APCDD1: variants seen among roughly 807,000 people sequenced by gnomAD.
APCDD1 encodes the protein APC down-regulated 1.
A neutral mutation model predicts 38.1 loss-of-function variants in APCDD1; 15 were observed. The ratio of observed to expected loss-of-function variants is 0.39; its 90% CI spans 0.26 to 0.61. The LOEUF (loss-of-function observed/expected upper bound fraction) is 0.61. Among genes scored for constraint, APCDD1 ranks in the 20% least tolerant of loss-of-function variants. The probability of loss-of-function intolerance (pLI) is 0.49; values close to 1 mark genes in which losing one functional copy is unlikely to be tolerated. For synonymous variants in APCDD1, 261 were observed against 279.7 expected, an observed-to-expected ratio of 0.93 and a Z score of 0.67; for missense variants, 647 against 696.2, an observed-to-expected ratio of 0.93 and a Z score of 0.79.
Position 10,454,718 on chromosome 18 carries a change from C to G in APCDD1, c.-264C>G, listed in dbSNP as rs1766717531. ...CGGCGGCCGGGGCGGGACGCGGGGC[C>G]GGGCGCGGAGAAGTCGGGGCGGGCG... On this transcript the variant is annotated 5_prime_UTR_variant, in exon 1 of 5. Transcript: ENST00000355285. 3.1e-6 allele frequency: 3 copies of G among 982,170 alleles called. No individual in the cohort carries two copies. Among genetic ancestry groups the G allele is most frequent in the South Asian group, 4.7e-5 (1 of 21,446 alleles). The allele number at this position is 982,170 out of a possible 1,614,324, so 60.8% of individuals were successfully genotyped here.
At chr18:10,481,663 A>T in intron 3 of APCDD1, among the ~76,000 whole-genome samples, 1 of 144,328 alleles carries the variant, frequency 6.9e-6, no homozygotes, top group East Asian at 2.1e-4. Flanking sequence ...TATGTTAGGT[A>T]TTTTTTTAAA....
chr18:10,488,165 C>T lies in APCDD1; in HGVS notation c.*127C>T. 1 of 1,167,176 alleles carries T rather than the reference C, an allele frequency of 8.6e-7. No homozygotes were observed. Among genetic ancestry groups the T allele is most frequent in the East Asian group, 2.5e-5 (1 of 39,308 alleles). The allele number at this position is 1,167,176 out of a possible 1,614,324, so 72.3% of individuals were successfully genotyped here. On this transcript the variant is annotated 3_prime_UTR_variant, in exon 5 of 5. Coordinates refer to ENST00000355285, the MANE Select transcript of APCDD1 (RefSeq NM_153000.5). ...CCAGAGAACTGTCCTTCTTTTTCTC[C>T]TCTCCCTCCCTCCCAGCCCCTGAGT... is the stretch of plus-strand genomic sequence containing the variant.
rs73942616 is a variant in APCDD1 at position 10,463,605 on chromosome 18, C to G, written c.59-4864C>G. 7.7e-3 allele frequency among the ~76,000 whole-genome samples: 1,179 copies of G among 152,286 alleles called. 16 individuals are homozygous for G. Among genetic ancestry groups the G allele is most frequent in the African/African-American group, 0.027 (1,111 of 41,552 alleles). ...TTCAAATGACTTTTTAATTCCCAGCCATTTAACAGAAGTAGTACTCACAGG... is the reference window on the plus strand; with the variant it reads ...TTCAAATGACTTTTTAATTCCCAGCGATTTAACAGAAGTAGTACTCACAGG... On this transcript the variant is annotated intron_variant, in intron 1 of 4. Transcript: ENST00000355285.
chr18:10,485,365 A>G lies in APCDD1; in HGVS notation c.775-97A>G. Reference sequence around the variant, plus strand: ...GGTGTCGAGGTTGTCAGTGATGGTGATCTGGTGCCTGGTGAGACCCCATTT... The same window carrying G: ...GGTGTCGAGGTTGTCAGTGATGGTGGTCTGGTGCCTGGTGAGACCCCATTT... On this transcript the variant is annotated intron_variant, in intron 3 of 4. Coordinates refer to ENST00000355285, the MANE Select transcript of APCDD1 (RefSeq NM_153000.5). This position sits in a 1 kb window ranked among gnomAD's most constrained non-coding sequence, Gnocchi z 5.8. The G allele has an allele frequency of 7.4e-7, 1 of 1,344,288 alleles. No homozygotes were observed. The highest frequency in any genetic ancestry group is 2.3e-5 in the East Asian group (1 of 43,654). The allele number at this position is 1,344,288 out of a possible 1,614,324, so 83.3% of individuals were successfully genotyped here.
intron 3 of APCDD1, among the ~76,000 whole-genome samples, chr18:10,484,954 GT>G (rs1185449034): frequency 3.3e-5 from 5 of 152,148 alleles, no homozygotes; most frequent in Non-Finnish European, 5.9e-5. Flanking sequence ...AGATTGCTGG[GT>G]CATATGGTAA....
chr18:10,485,566 G>C lies in APCDD1; in HGVS notation c.879G>C (p.Gly293=). ...CAGACCTGACCATCGGCCTGCACGG[G>C]GAGTGGGTGAGCCAGCGCTGTGAGG... ...PKADLTIGLH[G]EWVSQRCEVR... Residue 293 remains glycine (G), a synonymous_variant, in exon 4 of 5, where the codon GGG becomes GGC. Coordinates refer to ENST00000355285, the MANE Select transcript of APCDD1 (RefSeq NM_153000.5). This position sits in a 1 kb window ranked among gnomAD's most constrained non-coding sequence, Gnocchi z 5.8. 1 of 1,614,136 alleles carries C rather than the reference G, an allele frequency of 6.2e-7. No homozygotes were observed. The highest frequency in any genetic ancestry group is 1.7e-5 in the Admixed American group (1 of 60,028).
In APCDD1 at chr18:10,467,446, T is replaced by C. The variant is rs773146514; in HGVS notation, c.59-1023T>C. Among the ~76,000 whole-genome samples, 3 of 152,242 alleles carry C rather than the reference T, an allele frequency of 2.0e-5. No individual in the cohort carries two copies. The highest frequency in any genetic ancestry group is 4.4e-5 in the Non-Finnish European group (3 of 68,046). Reference sequence around the variant, plus strand: ...GTAGTAGGTCCGCCATAAATGCCTGTTGATTTGTTAATCACTTCAGGAGTG... The same window carrying C: ...GTAGTAGGTCCGCCATAAATGCCTGCTGATTTGTTAATCACTTCAGGAGTG... On this transcript the variant is annotated intron_variant, in intron 1 of 4. Coordinates refer to ENST00000355285, the MANE Select transcript of APCDD1 (RefSeq NM_153000.5). The surrounding 1 kb of genome is among the most constrained non-coding windows in gnomAD (Gnocchi z 4.8).
rs552810782 is a variant in APCDD1, at chr18:10,485,333, G to A, written c.775-129G>A. On this transcript the variant is annotated intron_variant, in intron 3 of 4. Transcript: ENST00000355285. The surrounding 1 kb of genome is among the most constrained non-coding windows in gnomAD (Gnocchi z 5.8). ...CTGTGCCCGGAGCATGATTCCAGTT[G>A]GTTCTTGGTGTCGAGGTTGTCAGTG... 186 of 963,160 alleles carry A rather than the reference G, an allele frequency of 1.9e-4. 1 individual carries two copies. The African/African-American group carries it at 2.6e-3, about 14-fold the overall frequency. The allele number at this position is 963,160 out of a possible 1,614,324, so 59.7% of individuals were successfully genotyped here.
intron 3 of APCDD1, among the ~76,000 whole-genome samples, chr18:10,481,097 C>A (rs1277744929): frequency 6.6e-6 from 1 of 152,136 alleles, no homozygotes; most frequent in East Asian, 1.9e-4. Flanking sequence ...TTATACATTG[C>A]TGATGGAAAT....
At position 10,454,965 on chromosome 18, in the gene APCDD1, C is replaced by T; in HGVS notation, c.-17C>T. 1 of 1,533,970 alleles carries T rather than the reference C, an allele frequency of 6.5e-7. No homozygotes were observed. The highest frequency in any genetic ancestry group is 1.2e-5 in the South Asian group (1 of 81,996). ...ATCGGAGCGCGGCGTGCGGGAGGCC[C>T]CAGAGCAGGACTGGAAATGTCCTGG... On this transcript the variant is annotated 5_prime_UTR_variant, in exon 1 of 5. Coordinates refer to ENST00000355285, the MANE Select transcript of APCDD1 (RefSeq NM_153000.5).
In APCDD1 at chr18:10,485,583, G is replaced by T. The variant is rs201834801; in HGVS notation, c.896G>T (p.Arg299Leu). The T allele has an allele frequency of 1.9e-6, 3 of 1,613,894 alleles. No homozygotes were observed. In the African/African-American group the frequency reaches 4.0e-5, roughly 22 times the overall value. ...CTGCACGGGGAGTGGGTGAGCCAGC[G>T]CTGTGAGGTGCGCCCCGAAGTCCTC... ...IGLHGEWVSQ[R>L]CEVRPEVLFL... Residue 299 changes from arginine to leucine, a missense_variant, in exon 4 of 5, where the codon CGC becomes CTC. By Grantham distance (102) the Arg-to-Leu change is moderately radical (BLOSUM62 -2). Transcript: ENST00000355285. The surrounding 1 kb of genome is among the most constrained non-coding windows in gnomAD (Gnocchi z 5.8).
chr18:10,461,621 G>C (rs2030543445), intron 1 of APCDD1, among the ~76,000 whole-genome samples: 1 of 152,132 alleles, frequency 6.6e-6, no homozygotes, highest in Non-Finnish European at 1.5e-5. Context: ...GCAAACATTA[G>C]TCATTATCAT....
Position 10,489,861 on chromosome 18 carries a change from A to G in APCDD1, c.*1823A>G, listed in dbSNP as rs1022394049. ...AAAATACTAACTTAAATGGCCACCA[A>G]GTTCAATAAACAAAGATGTCAAAAT... On this transcript the variant is annotated 3_prime_UTR_variant, in exon 5 of 5. Coordinates refer to ENST00000355285, the MANE Select transcript of APCDD1 (RefSeq NM_153000.5). 1 of 152,182 alleles carries G rather than the reference A, an allele frequency of 6.6e-6. No individual in the cohort carries two copies. The highest frequency in any genetic ancestry group is 6.5e-5 in the Admixed American group (1 of 15,276). 9.4% of individuals were successfully genotyped at this position (152,182 alleles called of 1,614,324 possible). A position where few individuals can be genotyped will look rare whatever the true frequency, so the allele number is the denominator to read the frequency against.
Position 10,470,434 on chromosome 18 carries a change from C to T in APCDD1, c.243-1096C>T, listed in dbSNP as rs901519177. Among the ~76,000 whole-genome samples, 5 of 152,152 alleles carry T rather than the reference C, an allele frequency of 3.3e-5. No homozygotes were observed. Among genetic ancestry groups the T allele is most frequent in the African/African-American group, 7.2e-5 (3 of 41,418 alleles). On this transcript the variant is annotated intron_variant, in intron 2 of 4. Coordinates refer to ENST00000355285, the MANE Select transcript of APCDD1 (RefSeq NM_153000.5). The surrounding 1 kb of genome is among the most constrained non-coding windows in gnomAD (Gnocchi z 4.1). Reference sequence around the variant, plus strand: ...TCAGTTGTCAAACGTTACATAGCAACGGTACCCCTGTCTAAATAATGCTTA... The same window carrying T: ...TCAGTTGTCAAACGTTACATAGCAATGGTACCCCTGTCTAAATAATGCTTA...
At chr18:10,461,940 T>C (rs1270824752) in intron 1 of APCDD1, among the ~76,000 whole-genome samples, 1 of 152,098 alleles carries the variant, frequency 6.6e-6, no homozygotes, top group East Asian at 1.9e-4. Flanking sequence ...AGGAAAAAAC[T>C]CCGTAGTCTA....
chr18:10,474,431 AG>A (rs143887129), intron 3 of APCDD1, among the ~76,000 whole-genome samples: 1,683 of 152,276 alleles, frequency 0.011, 41 homozygotes, highest in African/African-American at 0.038. Flanking sequence ...AACACCAAAA[AG>A]CACGGGGAGC....
chr18:10,477,420 C>T (rs1213027870), intron 3 of APCDD1: 3 of 152,142 alleles, frequency 2.0e-5, no homozygotes, highest in Non-Finnish European at 4.4e-5. Context: ...TTTATCTGGG[C>T]CGAGGTGTGC....
At chr18:10,480,613 C>A (rs2031111410) in intron 3 of APCDD1, among the ~76,000 whole-genome samples, 1 of 152,110 alleles carries the variant, frequency 6.6e-6, no homozygotes, top group African/African-American at 2.4e-5. Context: ...GTTGTCCCAG[C>A]ACTTGGGGAG....
rs1247700651 is a variant in APCDD1 at position 10,472,468 on chromosome 18, C to T, written c.774+407C>T. Among the ~76,000 whole-genome samples, 1 of 152,170 alleles carries T rather than the reference C, an allele frequency of 6.6e-6. No individual in the cohort carries two copies. Among genetic ancestry groups the T allele is most frequent in the African/African-American group, 2.4e-5 (1 of 41,440 alleles). On this transcript the variant is annotated intron_variant, in intron 3 of 4. Transcript: ENST00000355285. The surrounding 1 kb of genome is among the most constrained non-coding windows in gnomAD (Gnocchi z 6.6). The stretch of plus-strand genomic sequence containing the variant: ...TACTAAACAATAGCAGCTACCCAGG[C>T]CCTGGAGGAGGCGGGGAGGGACAGA...
Sources: gnomAD v4.1 joint callset for allele counts (sites outside exome capture counted in the v4.1 genomes callset) on GRCh38, gnomAD v4.1.1 for gene constraint, Gnocchi (gnomAD v3.1) non-coding constraint, MANE v1.5 for transcripts, NCBI Gene and HGNC (gene_info 2026-07-23, HGNC 2026-07-21) for gene names.